Variants in CNTNAP3 observed in about 807,000 individuals in gnomAD.
CNTNAP3 encodes contactin-associated protein-like 3.
In CNTNAP3, 36 loss-of-function variants were observed where a neutral mutation model predicts 92.1. The observed-to-expected ratio is 0.39, with a 90% CI of 0.30 to 0.52. CNTNAP3 has a LOEUF of 0.52. Among genes scored for constraint, CNTNAP3 ranks in the 20% least tolerant of loss-of-function variants. The probability of loss-of-function intolerance (pLI) is 0.76; values close to 1 mark genes in which losing one functional copy is unlikely to be tolerated. For synonymous variants in CNTNAP3, 232 were observed against 422.3 expected (o/e 0.55, Z 5.53); for missense variants, 534 against 1,069.6 (o/e 0.50, Z 6.98).
intron 23 of CNTNAP3, among the ~76,000 whole-genome samples, chr9:39,077,651 C>G (rs1031718667): frequency 3.3e-5 from 5 of 152,082 alleles, no homozygotes; most frequent in Non-Finnish European, 1.5e-5. Flanking sequence ...TACTATTTGT[C>G]ATTGAAGAAA....
At chr9:39,129,851 A>G (rs1418638496) in intron 13 of CNTNAP3, among the ~76,000 whole-genome samples, 1 of 152,184 alleles carries the variant, frequency 6.6e-6, no homozygotes, top group Non-Finnish European at 1.5e-5. Context: ...ACAGACATCT[A>G]TCTCACTGAA....
chr9:39,137,496 T>G (rs1390590981), intron 12 of CNTNAP3, among the ~76,000 whole-genome samples: 1 of 152,040 alleles, frequency 6.6e-6, no homozygotes, highest in Non-Finnish European at 1.5e-5. Context: ...CATATCTGAC[T>G]CTGGTTTTTG....
Position 39,086,704 on chromosome 9 carries a change from T to C in CNTNAP3, c.3354+12A>G, listed in dbSNP as rs1162729232. On this transcript the variant is annotated intron_variant, in intron 20 of 23. Coordinates refer to ENST00000297668, the MANE Select transcript of CNTNAP3 (RefSeq NM_033655.5). ...ATATTAGTTAGTTTGACTTTTGCAT[T>C]TGTGGGATTACCTCTACCATGACCA... 6.2e-7 allele frequency: 1 copy of C among 1,608,248 alleles called. No individual in the cohort carries two copies. Among genetic ancestry groups the C allele is most frequent in the Admixed American group, 1.7e-5 (1 of 59,726 alleles).
chr9:39,120,340 A>G (rs145961621), intron 13 of CNTNAP3, among the ~76,000 whole-genome samples: 2,943 of 152,318 alleles, frequency 0.019, 54 homozygotes, highest in Non-Finnish European at 0.031. Flanking sequence ...ACTATAAATT[A>G]TATATCCAGA....
chr9:39,139,042 A>G (rs997461067), intron 12 of CNTNAP3, among the ~76,000 whole-genome samples: 5 of 152,190 alleles, frequency 3.3e-5, no homozygotes, highest in Admixed American at 3.3e-4. Flanking sequence ...TTGAAATTGC[A>G]CATTTTATAA....
chr9:39,132,250 A>G (rs10081698), intron 13 of CNTNAP3, among the ~76,000 whole-genome samples: 151,083 of 152,242 alleles, frequency 0.99, 74,982 homozygotes, highest in East Asian at 1. Context: ...GGAGAGCAGC[A>G]GTGAGTCCTG....
Position 39,067,408 on chromosome 9 carries a change from A to AT in CNTNAP3, c.*6481dup, listed in dbSNP as rs1171884563. ...GTGATTTTACCTCGTTGGGTGTTGGATTTTTTTTTGATGGAGTCTGGCTCT... is the reference window on the plus strand; with the variant it reads ...GTGATTTTACCTCGTTGGGTGTTGGATTTTTTTTTTGATGGAGTCTGGCTCT... On this transcript the variant is annotated 3_prime_UTR_variant, in exon 24 of 24. Transcript: ENST00000297668. Among the ~76,000 whole-genome samples the AT allele has an allele frequency of 8.7e-4, 133 of 152,038 alleles. No individual in the cohort carries two copies. Among genetic ancestry groups the AT allele is most frequent in the African/African-American group, 2.5e-3 (105 of 41,328 alleles).
rs1290211555 is a variant in CNTNAP3, at chr9:39,066,644, A to T, written c.*7246T>A. ...CTGGGTATAGAAACCTAGGAGAGAG[A>T]GTTTTCTGCTTTTGGTTGGAAGATG... On this transcript the variant is annotated 3_prime_UTR_variant, in exon 24 of 24. Coordinates refer to ENST00000297668, the MANE Select transcript of CNTNAP3 (RefSeq NM_033655.5). 6.6e-6 allele frequency among the ~76,000 whole-genome samples: 1 copy of T among 152,288 alleles called. No homozygotes were observed. Among genetic ancestry groups the T allele is most frequent in the Non-Finnish European group, 1.5e-5 (1 of 68,052 alleles).
At chr9:39,143,546 T>C (rs950741122) in intron 11 of CNTNAP3, among the ~76,000 whole-genome samples, 16 of 152,314 alleles carry the variant, frequency 1.1e-4, no homozygotes, top group African/African-American at 3.8e-4. Flanking sequence ...GCAATGAAGA[T>C]AATAAGAGTA....
chr9:39,174,330 T>C (rs1244579097), intron 7 of CNTNAP3: 2 of 481,902 alleles, frequency 4.2e-6, no homozygotes, highest in Non-Finnish European at 7.6e-6. Context: ...ATTTTTATGA[T>C]CTCAGCAGGG....
In CNTNAP3 at chr9:39,109,155, C is replaced by A; in HGVS notation, c.2365+5G>T. The A allele has an allele frequency of 6.2e-7, 1 of 1,609,676 alleles. No individual in the cohort carries two copies. The highest frequency in any genetic ancestry group is 8.5e-7 in the Non-Finnish European group (1 of 1,178,902). ...AAAATAAAGCTTTTTCTTGACACTA[C>A]TTACGATCTCCGCGGCAGAGCAGTG... On this transcript the variant is annotated splice_donor_5th_base_variant and intron_variant, in intron 15 of 23. Transcript: ENST00000297668.
At chr9:39,116,040 T>C (rs559081783) in intron 14 of CNTNAP3, among the ~76,000 whole-genome samples, 22 of 152,170 alleles carry the variant, frequency 1.4e-4, no homozygotes, top group Admixed American at 7.2e-4. Context: ...TAATCCCAGT[T>C]ACTCGGGAGG....
intron 17 of CNTNAP3, among the ~76,000 whole-genome samples, chr9:39,100,693 C>T (rs902725799): frequency 1.3e-5 from 2 of 151,982 alleles, no homozygotes; most frequent in South Asian, 2.1e-4. Flanking sequence ...GGGGTGACAC[C>T]GTACCCCAGG....
At chr9:39,077,960 C>G (rs1825822675) in intron 23 of CNTNAP3, among the ~76,000 whole-genome samples, 1 of 152,134 alleles carries the variant, frequency 6.6e-6, no homozygotes, top group Non-Finnish European at 1.5e-5. Flanking sequence ...GATCTCAGCA[C>G]TTTGGGAGGC....
At chr9:39,093,113 A>G (rs1826246171) in intron 18 of CNTNAP3, among the ~76,000 whole-genome samples, 1 of 129,906 alleles carries the variant, frequency 7.7e-6, no homozygotes, top group Non-Finnish European at 1.7e-5. Flanking sequence ...TCTAAATTGT[A>G]TGTCCTTAGA....
intron 15 of CNTNAP3, among the ~76,000 whole-genome samples, chr9:39,104,174 G>A (rs534781904): frequency 1.1e-3 from 170 of 152,116 alleles, no homozygotes; most frequent in African/African-American, 3.8e-3. Flanking sequence ...AGGGGATCGC[G>A]CAGCAACACA....
chr9:39,068,670 A>C lies in CNTNAP3; in HGVS notation c.*5220T>G, dbSNP rs1178132213. On this transcript the variant is annotated 3_prime_UTR_variant, in exon 24 of 24. Transcript: ENST00000297668. Reference sequence around the variant, plus strand: ...GCAGCTCTTTCCTCGCCGGTACTCTATCCTGCAATCTCTAGCCACCTTCGT... The same window carrying C: ...GCAGCTCTTTCCTCGCCGGTACTCTCTCCTGCAATCTCTAGCCACCTTCGT... 1.3e-5 allele frequency among the ~76,000 whole-genome samples: 2 copies of C among 152,298 alleles called. No homozygotes were observed. Among genetic ancestry groups the C allele is most frequent in the Non-Finnish European group, 1.5e-5 (1 of 68,052 alleles).
At position 39,066,772 on chromosome 9, in the gene CNTNAP3, T is replaced by C. The variant is rs1261891295; in HGVS notation, c.*7118A>G. On this transcript the variant is annotated 3_prime_UTR_variant, in exon 24 of 24. Transcript: ENST00000297668. Reference sequence around the variant, plus strand: ...CTTGTTTTTCTTCTCTGTGTAAGACTTGTCTTTTTCTCTTTACCACACTGA... The same window carrying C: ...CTTGTTTTTCTTCTCTGTGTAAGACCTGTCTTTTTCTCTTTACCACACTGA... Among the ~76,000 whole-genome samples the C allele has an allele frequency of 6.6e-6, 1 of 152,312 alleles. No individual in the cohort carries two copies. Among genetic ancestry groups the C allele is most frequent in the Non-Finnish European group, 1.5e-5 (1 of 68,058 alleles).
intron 18 of CNTNAP3, among the ~76,000 whole-genome samples, chr9:39,089,411 T>A (rs971006909): frequency 6.6e-6 from 1 of 152,252 alleles, no homozygotes; most frequent in Non-Finnish European, 1.5e-5. Context: ...GACTAATATT[T>A]CATTGGATGT....
Sources: allele counts gnomAD v4.1 joint callset (sites outside exome capture counted in the v4.1 genomes callset), GRCh38; gene constraint gnomAD v4.1.1; transcripts MANE v1.5; gene names NCBI Gene and HGNC (gene_info 2026-07-23, HGNC 2026-07-21).